Variants in PPP2R2B observed in about 807,000 individuals in gnomAD.
PPP2R2B encodes the protein serine/threonine-protein phosphatase 2A 55 kDa regulatory subunit B beta isoform.
Under a neutral mutation model 46.0 loss-of-function variants are expected in PPP2R2B, and 5 were observed. The ratio of observed to expected loss-of-function variants is 0.11; its 90% CI spans 0.06 to 0.23. The LOEUF (loss-of-function observed/expected upper bound fraction) is 0.23, where lower values mean the gene tolerates loss of function less well. Ranked by LOEUF, PPP2R2B falls within the 10% of genes least tolerant of loss-of-function variation. The pLI is 1.00. For missense variants in PPP2R2B, 367 were observed against 575.0 expected, an observed-to-expected ratio of 0.64 and a Z score of 3.70; for synonymous variants, 215 against 206.7, an observed-to-expected ratio of 1.04 and a Z score of -0.34.
At chr5:146,607,957 T>C (rs1410868295) in intron 7 of PPP2R2B, 4 of 152,242 alleles carry the variant, frequency 2.6e-5, no homozygotes, top group Admixed American at 6.5e-5. Context: ...CATATGGACA[T>C]TGAAATTTCA....
chr5:147,050,825 C>T (rs112134373), intron 1 of PPP2R2B, among the ~76,000 whole-genome samples: 1 of 151,570 alleles, frequency 6.6e-6, no homozygotes, highest in Non-Finnish European at 1.5e-5. Flanking sequence ...GTTATTTTTC[C>T]CTCTGTGTGT....
chr5:146,923,660 G>T (rs565804937), intron 1 of PPP2R2B, among the ~76,000 whole-genome samples: 1 of 152,274 alleles, frequency 6.6e-6, no homozygotes, highest in South Asian at 2.1e-4. Context: ...AGACAGTGTG[G>T]CAATTCCTCA....
intron 1 of PPP2R2B, among the ~76,000 whole-genome samples, chr5:147,023,299 G>C (rs1316744700): frequency 6.6e-6 from 1 of 152,112 alleles, no homozygotes; most frequent in African/African-American, 2.4e-5. Flanking sequence ...TTCAGTAGAG[G>C]AGATAGTATG....
chr5:146,850,309 T>C (rs1760265069), intron 2 of PPP2R2B, among the ~76,000 whole-genome samples: 2 of 152,222 alleles, frequency 1.3e-5, no homozygotes, highest in African/African-American at 2.4e-5. Flanking sequence ...ATCTATTCTT[T>C]GCACTGCAGC....
At position 146,587,091 on chromosome 5, in the gene PPP2R2B, G is replaced by A. The variant is rs573782157; in HGVS notation, c.*2856C>T. 4 of 152,238 alleles carry A rather than the reference G, an allele frequency of 2.6e-5. No homozygotes were observed. Among genetic ancestry groups the A allele is most frequent in the Middle Eastern group, 3.4e-3 (1 of 296 alleles). 9.4% of individuals were successfully genotyped at this position (152,238 alleles called of 1,614,324 possible). A position where few individuals can be genotyped will look rare whatever the true frequency, so the allele number is the denominator to read the frequency against. ...AAAGTAGTATAGGGCCCTTAGAATC[G>A]AACCAACTGTTGCAAGGTAGCAAAT... On this transcript the variant is annotated 3_prime_UTR_variant, in exon 10 of 10. Transcript: ENST00000394411.
chr5:146,854,955 A>G (rs926229501), intron 2 of PPP2R2B, among the ~76,000 whole-genome samples: 6 of 152,182 alleles, frequency 3.9e-5, no homozygotes, highest in African/African-American at 1.2e-4. Context: ...AAGTCGTAAA[A>G]TTTGACCAAA....
intron 1 of PPP2R2B, among the ~76,000 whole-genome samples, chr5:146,938,209 A>G (rs1427714440): frequency 6.6e-6 from 1 of 152,216 alleles, no homozygotes; most frequent in African/African-American, 2.4e-5. Context: ...AAATTATAGC[A>G]CAATATAAAC....
chr5:146,879,469 G>C (rs1371158986), upstream of PPP2R2B, among the ~76,000 whole-genome samples: 2 of 152,104 alleles, frequency 1.3e-5, no homozygotes, highest in Non-Finnish European at 2.9e-5. Context: ...CAGCCTCTCC[G>C]TTAGGTTTTG....
At chr5:146,674,038 T>C (rs1057192456) in intron 5 of PPP2R2B, among the ~76,000 whole-genome samples, 58 of 152,158 alleles carry the variant, frequency 3.8e-4, no homozygotes, top group African/African-American at 1.4e-3. Context: ...TATCTGTCCT[T>C]TTATAAATGT....
chr5:147,015,468 T>C (rs1754962996), intron 1 of PPP2R2B, among the ~76,000 whole-genome samples: 1 of 151,588 alleles, frequency 6.6e-6, no homozygotes, highest in Non-Finnish European at 1.5e-5. Context: ...TATTTGCCAA[T>C]CTGAAGGTCC....
intron 1 of PPP2R2B, among the ~76,000 whole-genome samples, chr5:147,046,215 G>T (rs923293451): frequency 6.6e-6 from 1 of 152,110 alleles, no homozygotes; most frequent in Admixed American, 6.6e-5. Context: ...ATGAATAATT[G>T]CTCTTACAAG....
At chr5:146,707,409 G>T in intron 2 of PPP2R2B, 1 of 778,610 alleles carries the variant, frequency 1.3e-6, no homozygotes, top group Non-Finnish European at 2.4e-6. Flanking sequence ...GGCTCTGGTT[G>T]ACTGGGACGG....
chr5:146,774,731 C>A (rs570057530), intron 2 of PPP2R2B, among the ~76,000 whole-genome samples: 1 of 150,980 alleles, frequency 6.6e-6, no homozygotes, highest in Non-Finnish European at 1.5e-5. Flanking sequence ...GCAGGATAAT[C>A]GCTTGAGCCT....
chr5:146,680,156 C>G (rs1405465989), intron 5 of PPP2R2B, among the ~76,000 whole-genome samples: 7 of 150,394 alleles, frequency 4.7e-5, no homozygotes, highest in African/African-American at 1.2e-4. Context: ...AAATGTCCAA[C>G]AATGATAGAC....
chr5:146,843,044 T>C (rs929484648), intron 2 of PPP2R2B, among the ~76,000 whole-genome samples: 1 of 152,232 alleles, frequency 6.6e-6, no homozygotes, highest in East Asian at 1.9e-4. Context: ...CAAAATTAGC[T>C]GGCGTGATGG....
intron 1 of PPP2R2B, among the ~76,000 whole-genome samples, chr5:147,041,461 TCCA>T (rs951542679): frequency 2.6e-4 from 40 of 152,262 alleles, no homozygotes; most frequent in African/African-American, 8.9e-4. Flanking sequence ...TCCCCTTTTC[TCCA>T]CCATCATTGT....
intron 6 of PPP2R2B, among the ~76,000 whole-genome samples, chr5:146,640,121 C>T (rs917050483): frequency 7.2e-5 from 11 of 152,240 alleles, no homozygotes; most frequent in African/African-American, 2.7e-4. Flanking sequence ...TCACTATGCT[C>T]CTGCTACAAC....
At chr5:146,826,824 T>G (rs1758608226) in intron 2 of PPP2R2B, among the ~76,000 whole-genome samples, 1 of 152,098 alleles carries the variant, frequency 6.6e-6, no homozygotes, top group Admixed American at 6.6e-5. Flanking sequence ...AATCTTTCTC[T>G]GCATACATAT....
chr5:146,677,489 C>T (rs1249940162), intron 5 of PPP2R2B, among the ~76,000 whole-genome samples: 1 of 151,802 alleles, frequency 6.6e-6, no homozygotes, highest in African/African-American at 2.4e-5. Flanking sequence ...TGGTATCATG[C>T]TATGATCTTA....
Sources: allele counts gnomAD v4.1 joint callset (sites outside exome capture counted in the v4.1 genomes callset), GRCh38; gene constraint gnomAD v4.1.1; transcripts MANE v1.5; gene names NCBI Gene and HGNC (gene_info 2026-07-23, HGNC 2026-07-21).